LRMDA: variants seen among roughly 807,000 people sequenced by gnomAD.
LRMDA encodes the protein leucine rich melanocyte differentiation associated, also known as leucine-rich melanocyte differentiation-associated protein.
LRMDA carries 18 observed loss-of-function variants against 29.8 expected under a neutral mutation model. The observed-to-expected ratio is 0.60, with a 90% CI of 0.42 to 0.90. The LOEUF (loss-of-function observed/expected upper bound fraction) is 0.90. Among genes scored for constraint, LRMDA ranks in the 40% least tolerant of loss-of-function variants. The pLI is 0.00. For synonymous variants in LRMDA, 125 were observed against 109.4 expected (o/e 1.14, Z -0.89); for missense variants, 273 against 273.9 (o/e 1.00, Z 0.02).
At chr10:75,928,906 C>T (rs909696652) in intron 2 of LRMDA, among the ~76,000 whole-genome samples, 1 of 152,162 alleles carries the variant, frequency 6.6e-6, no homozygotes, top group African/African-American at 2.4e-5. Flanking sequence ...CAGACAGGTG[C>T]AACACTGCCT....
At chr10:75,976,054 ACT>A (rs1847063945) in intron 2 of LRMDA, among the ~76,000 whole-genome samples, 1 of 152,094 alleles carries the variant, frequency 6.6e-6, no homozygotes, top group African/African-American at 2.4e-5. Context: ...AGCTCCTGTC[ACT>A]CTCTTGCTGA....
intron 2 of LRMDA, among the ~76,000 whole-genome samples, chr10:75,692,991 G>T (rs1239098990): frequency 6.6e-6 from 1 of 152,136 alleles, no homozygotes; most frequent in African/African-American, 2.4e-5. Flanking sequence ...TGCCTGTGTT[G>T]TATTCATCCT....
intron 4 of LRMDA, among the ~76,000 whole-genome samples, chr10:76,050,760 T>C (rs901641221): frequency 6.6e-6 from 1 of 152,232 alleles, no homozygotes; most frequent in Non-Finnish European, 1.5e-5. Context: ...TATGGGAAAG[T>C]TGGGTGCCCA....
rs189961604 is a variant in LRMDA, at chr10:75,492,581, T to C, written c.131+54087T>C. 4.6e-5 allele frequency among the ~76,000 whole-genome samples: 7 copies of C among 152,334 alleles called. No individual in the cohort carries two copies. The East Asian group carries it at 1.3e-3, about 29-fold the overall frequency. On this transcript the variant is annotated intron_variant, in intron 2 of 6. Coordinates refer to ENST00000611255, the MANE Select transcript of LRMDA (RefSeq NM_001305581.2). ...CTCTAGAATTTATTAATTTTGAGCC[T>C]TATTCTCTTTTATGTAGTGTGACTT...
intron 2 of LRMDA, among the ~76,000 whole-genome samples, chr10:75,872,579 C>G (rs1303087491): frequency 6.6e-6 from 1 of 152,196 alleles, no homozygotes; most frequent in Non-Finnish European, 1.5e-5. Flanking sequence ...GGTGGGATTA[C>G]AGGTGTGAGC....
intron 6 of LRMDA, among the ~76,000 whole-genome samples, chr10:76,351,529 C>G (rs1340397063): frequency 6.6e-6 from 1 of 151,998 alleles, no homozygotes; most frequent in Non-Finnish European, 1.5e-5. Context: ...GTGAGGGTTT[C>G]TGCCTCATCT....
chr10:76,306,689 G>A (rs1840560934), intron 5 of LRMDA, among the ~76,000 whole-genome samples: 1 of 152,188 alleles, frequency 6.6e-6, no homozygotes, highest in Non-Finnish European at 1.5e-5. Flanking sequence ...GAAAATGAGA[G>A]ATGCACATTA....
chr10:76,294,683 A>G (rs546361964), intron 5 of LRMDA, among the ~76,000 whole-genome samples: 3 of 152,332 alleles, frequency 2.0e-5, no homozygotes, highest in East Asian at 3.9e-4. Flanking sequence ...CACCTATCAG[A>G]CAAAATTTAA....
At chr10:76,204,565 A>G (rs141745174) in intron 5 of LRMDA, among the ~76,000 whole-genome samples, 1 of 152,372 alleles carries the variant, frequency 6.6e-6, no homozygotes, top group African/African-American at 2.4e-5. Flanking sequence ...TGAGGCCACA[A>G]GGTTATATCA....
chr10:75,860,783 C>T (rs899641132), intron 2 of LRMDA, among the ~76,000 whole-genome samples: 1 of 152,138 alleles, frequency 6.6e-6, no homozygotes, highest in African/African-American at 2.4e-5. Flanking sequence ...AATTTTAATT[C>T]TGCCCTAAGT....
chr10:76,304,422 G>T (rs779965801), intron 5 of LRMDA, among the ~76,000 whole-genome samples: 1 of 152,202 alleles, frequency 6.6e-6, no homozygotes, highest in South Asian at 2.1e-4. Context: ...TAAACTTGTA[G>T]TCCTTTCACA....
chr10:75,449,807 G>A (rs148893886), intron 2 of LRMDA, among the ~76,000 whole-genome samples: 7 of 152,284 alleles, frequency 4.6e-5, no homozygotes, highest in Admixed American at 2.0e-4. Context: ...GATCGCAGCC[G>A]TGGGACAAAT....
intron 5 of LRMDA, among the ~76,000 whole-genome samples, chr10:76,162,918 T>C (rs1378971997): frequency 1.3e-5 from 2 of 152,218 alleles, no homozygotes; most frequent in Non-Finnish European, 2.9e-5. Context: ...AAGATACATA[T>C]TCTAAAAATG....
chr10:75,732,177 G>T (rs1055650590), intron 2 of LRMDA, among the ~76,000 whole-genome samples: 2 of 152,104 alleles, frequency 1.3e-5, no homozygotes, highest in Non-Finnish European at 2.9e-5. Flanking sequence ...TTTGCTGAAT[G>T]ATGGAATCCT....
At chr10:76,078,866 A>G (rs1399487966) in intron 5 of LRMDA, among the ~76,000 whole-genome samples, 1 of 151,958 alleles carries the variant, frequency 6.6e-6, no homozygotes, top group African/African-American at 2.4e-5. Context: ...AAAAAAATGG[A>G]TTTCAGGTGA....
chr10:75,439,734 A>T (rs1005021932), intron 2 of LRMDA, among the ~76,000 whole-genome samples: 3 of 152,208 alleles, frequency 2.0e-5, no homozygotes, highest in Non-Finnish European at 4.4e-5. Flanking sequence ...GAAACTGACA[A>T]GTTGTAAAGT....
chr10:76,202,912 G>A (rs943568249), intron 5 of LRMDA, among the ~76,000 whole-genome samples: 1 of 152,162 alleles, frequency 6.6e-6, no homozygotes, highest in African/African-American at 2.4e-5. Flanking sequence ...GAAATCACCA[G>A]CTTAGCAACA....
intron 5 of LRMDA, among the ~76,000 whole-genome samples, chr10:76,156,025 C>G (rs1306383720): frequency 6.6e-6 from 1 of 152,066 alleles, no homozygotes; most frequent in East Asian, 1.9e-4. Flanking sequence ...TCTGGGAAGA[C>G]TTCCTTTAAC....
At chr10:76,544,710 GCACACACACACACACACACACACA>G (rs71028204) in intron 6 of LRMDA, among the ~76,000 whole-genome samples, 3 of 145,298 alleles carry the variant, frequency 2.1e-5, no homozygotes, top group African/African-American at 5.1e-5. Flanking sequence ...ATATATACAT[GCACACACACACACACACACACACA>G]CACACACACA....
Sources: allele counts gnomAD v4.1 joint callset (sites outside exome capture counted in the v4.1 genomes callset), GRCh38; gene constraint gnomAD v4.1.1; transcripts MANE v1.5; gene names NCBI Gene and HGNC (gene_info 2026-07-23, HGNC 2026-07-21).